FGF10: variants seen among roughly 807,000 people sequenced by gnomAD.
FGF10 encodes fibroblast growth factor 10, also known as FGF-10.
A neutral mutation model predicts 19.8 loss-of-function variants in FGF10; 2 were observed. The observed-to-expected ratio is 0.10, with a 90% confidence interval of 0.04 to 0.32. The LOEUF is 0.32. Ranked by LOEUF, FGF10 falls within the 10% of genes least tolerant of loss-of-function variation. The probability of loss-of-function intolerance (pLI) is 1.00; values close to 1 mark genes in which losing one functional copy is unlikely to be tolerated. For synonymous variants in FGF10, 112 were observed against 94.0 expected (o/e 1.19, Z -1.10); for missense variants, 191 against 246.3 (o/e 0.78, Z 1.50).
At chr5:44,340,511 A>G (rs1740945113) in intron 1 of FGF10, among the ~76,000 whole-genome samples, 1 of 152,100 alleles carries the variant, frequency 6.6e-6, no homozygotes. Context: ...GTGTTTAATA[A>G]TAGGACACAG....
intron 1 of FGF10, among the ~76,000 whole-genome samples, chr5:44,319,232 G>A (rs770852279): frequency 2.4e-4 from 36 of 152,036 alleles, no homozygotes; most frequent in Non-Finnish European, 4.7e-4. Flanking sequence ...AAAAAATTAA[G>A]CCACATAAAG....
At chr5:44,310,276 C>T (rs532776614) in intron 2 of FGF10, 151 bp downstream of exon 2, 78 of 646,490 alleles carry the variant, frequency 1.2e-4, no homozygotes, top group African/African-American at 1.2e-3. Flanking sequence ...AGCTGCTTTG[C>T]CAGCCCTTGA....
chr5:44,321,469 A>C (rs138135394), intron 1 of FGF10, among the ~76,000 whole-genome samples: 11 of 152,282 alleles, frequency 7.2e-5, no homozygotes, highest in African/African-American at 2.6e-4. Context: ...TCTTTGAATG[A>C]ATATATATCA....
At chr5:44,360,730 T>C (rs1366713002) in intron 1 of FGF10, among the ~76,000 whole-genome samples, 1 of 151,702 alleles carries the variant, frequency 6.6e-6, no homozygotes, top group South Asian at 2.1e-4. Context: ...TGTCTCTTTA[T>C]ATGATGCCTG....
chr5:44,376,664 T>C (rs1254525087), intron 1 of FGF10, among the ~76,000 whole-genome samples: 1 of 151,918 alleles, frequency 6.6e-6, no homozygotes, highest in Non-Finnish European at 1.5e-5. Context: ...AAAATAATGA[T>C]CATTTGGCAA....
intron 1 of FGF10, among the ~76,000 whole-genome samples, chr5:44,372,622 C>T (rs1741766043): frequency 6.6e-6 from 1 of 152,076 alleles, no homozygotes; most frequent in Admixed American, 6.6e-5. Context: ...TAATGGAATT[C>T]AGATATGGAT....
In FGF10 at chr5:44,384,405, C is replaced by T. The variant is rs563267810; in HGVS notation, c.325+3953G>A. Among the ~76,000 whole-genome samples the T allele has an allele frequency of 3.9e-5, 6 of 152,164 alleles. No homozygotes were observed. In the East Asian group the frequency reaches 1.2e-3, roughly 29 times the overall value. ...TATCATGTGGCCACCTGCAATGACA[C>T]GTTTAATGTATTTGTTTTTCTGCAA... On this transcript the variant is annotated intron_variant, in intron 1 of 2. Coordinates refer to ENST00000264664, the MANE Select transcript of FGF10 (RefSeq NM_004465.2).
chr5:44,388,173 G>A (rs1742149493), intron 1 of FGF10, among the ~76,000 whole-genome samples, 185 bp downstream of exon 1: 1 of 150,292 alleles, frequency 6.7e-6, no homozygotes, highest in Non-Finnish European at 1.5e-5. Flanking sequence ...TAGGGGAGGG[G>A]ATGCGGCAGC....
chr5:44,359,190 A>T (rs1741419721), intron 1 of FGF10, among the ~76,000 whole-genome samples: 1 of 151,456 alleles, frequency 6.6e-6, no homozygotes, highest in Admixed American at 6.6e-5. Flanking sequence ...TATTTAATTT[A>T]TGTGCCAGTA....
At chr5:44,334,462 T>C (rs1019160834) in intron 1 of FGF10, among the ~76,000 whole-genome samples, 1 of 152,064 alleles carries the variant, frequency 6.6e-6, no homozygotes, top group Non-Finnish European at 1.5e-5. Flanking sequence ...CCCAACTACA[T>C]AGGGGAATAT....
chr5:44,382,449 G>A (rs1000840442), intron 1 of FGF10, among the ~76,000 whole-genome samples: 1 of 152,156 alleles, frequency 6.6e-6, no homozygotes, highest in Non-Finnish European at 1.5e-5. Context: ...TTCAGTATCA[G>A]AGTGTCACTA....
At position 44,388,797 on chromosome 5, in the gene FGF10, T is replaced by C. The variant is rs1454318300; in HGVS notation, c.-115A>G. On this transcript the variant is annotated 5_prime_UTR_variant, in exon 1 of 3. Transcript: ENST00000264664. ...AGGTGGTGGCTGCTGGTTAGCTCCCTCTGGGCGCGGATCTGGCCAGAAGTG... is the reference window on the plus strand; with the variant it reads ...AGGTGGTGGCTGCTGGTTAGCTCCCCCTGGGCGCGGATCTGGCCAGAAGTG... 10 of 1,072,880 alleles carry C rather than the reference T, an allele frequency of 9.3e-6. No homozygotes were observed. Among genetic ancestry groups the C allele is most frequent in the Non-Finnish European group, 1.4e-5 (10 of 708,604 alleles). The allele number at this position is 1,072,880 out of a possible 1,614,324, so 66.5% of individuals were successfully genotyped here.
At chr5:44,362,151 T>C (rs1252728559) in intron 1 of FGF10, among the ~76,000 whole-genome samples, 1 of 151,686 alleles carries the variant, frequency 6.6e-6, no homozygotes, top group African/African-American at 2.4e-5. Flanking sequence ...TTTACCATCT[T>C]TGTGAACTTG....
At chr5:44,341,494 TA>T (rs11308668) in intron 1 of FGF10, among the ~76,000 whole-genome samples, 18,562 of 148,854 alleles carry the variant, frequency 0.12, 2,798 homozygotes, top group African/African-American at 0.35. Context: ...GCCTTGTTAT[TA>T]AAAAAAAAAC....
At chr5:44,337,751 C>T (rs1430460907) in intron 1 of FGF10, among the ~76,000 whole-genome samples, 1 of 152,040 alleles carries the variant, frequency 6.6e-6, no homozygotes, top group Non-Finnish European at 1.5e-5. Context: ...ACCATCCTGG[C>T]TAACACAGTG....
At chr5:44,322,085 G>A (rs1244746337) in intron 1 of FGF10, among the ~76,000 whole-genome samples, 1 of 152,116 alleles carries the variant, frequency 6.6e-6, no homozygotes, top group Non-Finnish European at 1.5e-5. Context: ...ATACACAGAA[G>A]TGAGATGGCT....
At chr5:44,320,552 G>A (rs12518330) in intron 1 of FGF10, among the ~76,000 whole-genome samples, 2 of 152,214 alleles carry the variant, frequency 1.3e-5, no homozygotes, top group Non-Finnish European at 2.9e-5. Flanking sequence ...TAAATTATGG[G>A]TTCACTGCAA....
intron 1 of FGF10, among the ~76,000 whole-genome samples, chr5:44,317,992 T>G (rs1040694553): frequency 7.9e-5 from 12 of 152,114 alleles, no homozygotes; most frequent in Admixed American, 2.6e-4. Context: ...TCGCTAGTTT[T>G]GGGTAAAATA....
In FGF10 at chr5:44,388,677, C is replaced by T. The variant is rs1347979233; in HGVS notation, c.6G>A (p.Trp2Ter). The change falls in exon 1 of 3, where the codon TGG becomes TGA. Residue 2 changes from tryptophan to a stop codon, truncating the protein, a stop_gained. Coordinates refer to ENST00000264664, the MANE Select transcript of FGF10 (RefSeq NM_004465.2). LOFTEE classifies it high-confidence loss of function. Reference sequence around the variant, plus strand: ...AGGCACAATGTGTCAGTATCCATTTCCACATTGTACTGAAACTCTCGGCAC... The same window carrying T: ...AGGCACAATGTGTCAGTATCCATTTTCACATTGTACTGAAACTCTCGGCAC... The part of the protein sequence containing the change: M[W>*]KWILTHCASA... 6.2e-7 allele frequency: 1 copy of T among 1,613,872 alleles called. No homozygotes were observed. Among genetic ancestry groups the T allele is most frequent in the Admixed American group, 1.7e-5 (1 of 59,984 alleles).
Sources: allele counts gnomAD v4.1 joint callset (sites outside exome capture counted in the v4.1 genomes callset), GRCh38; gene constraint gnomAD v4.1.1; transcripts MANE v1.5; gene names NCBI Gene and HGNC (gene_info 2026-07-23, HGNC 2026-07-21).